The following MGAT4C variants were observed in gnomAD, a reference collection of about 807,000 sequenced individuals.
The protein encoded by MGAT4C is MGAT4 family member C, also known as alpha-1,3-mannosyl-glycoprotein 4-beta-N-acetylglucosaminyltransferase C.
Under a neutral mutation model 40.1 loss-of-function variants are expected in MGAT4C, and 19 were observed. The observed-to-expected ratio is 0.47, with a 90% CI of 0.33 to 0.70. MGAT4C has a LOEUF of 0.70. Ranked by LOEUF, MGAT4C falls within the 30% of genes least tolerant of loss-of-function variation. The pLI, the probability that MGAT4C is intolerant of heterozygous loss-of-function variation, is 0.02. For synonymous variants in MGAT4C, 181 were observed against 187.1 expected, an observed-to-expected ratio of 0.97 and a Z score of 0.27; for missense variants, 491 against 563.2, an observed-to-expected ratio of 0.87 and a Z score of 1.30.
At chr12:86,327,315 T>A (rs1954551385) in intron 4 of MGAT4C, among the ~76,000 whole-genome samples, 1 of 152,040 alleles carries the variant, frequency 6.6e-6, no homozygotes, top group South Asian at 2.1e-4. Flanking sequence ...GATTTTTTAA[T>A]TTTTTTATTT....
intron 2 of MGAT4C, among the ~76,000 whole-genome samples, chr12:86,003,410 T>C (rs1209322239): frequency 6.6e-6 from 1 of 152,176 alleles, no homozygotes; most frequent in Non-Finnish European, 1.5e-5. Flanking sequence ...AGAATAAGTG[T>C]ACAAGTAAAG....
intron 2 of MGAT4C, among the ~76,000 whole-genome samples, chr12:86,710,442 C>A (rs2136630391): frequency 6.6e-6 from 1 of 152,234 alleles, no homozygotes; most frequent in East Asian, 1.9e-4. Context: ...AGAAATCAAG[C>A]CTGAGAAGAG....
intron 1 of MGAT4C, among the ~76,000 whole-genome samples, chr12:86,221,070 G>A (rs1043254467): frequency 2.6e-5 from 4 of 152,142 alleles, no homozygotes; most frequent in African/African-American, 4.8e-5. Flanking sequence ...TTAACACCTC[G>A]TGCTAGACTT....
At chr12:86,498,984 A>G (rs748683530) in intron 2 of MGAT4C, among the ~76,000 whole-genome samples, 1 of 151,988 alleles carries the variant, frequency 6.6e-6, no homozygotes, top group Non-Finnish European at 1.5e-5. Flanking sequence ...GCAGCTGCTC[A>G]CCATTTCCAA....
chr12:86,557,372 C>T (rs756673141), intron 2 of MGAT4C, among the ~76,000 whole-genome samples: 15 of 152,156 alleles, frequency 9.9e-5, no homozygotes, highest in Non-Finnish European at 2.2e-4. Flanking sequence ...GGGGTTCAGC[C>T]AACCCTGCCA....
intron 2 of MGAT4C, among the ~76,000 whole-genome samples, chr12:86,456,841 T>C (rs1957518492): frequency 1.3e-5 from 2 of 152,138 alleles, no homozygotes; most frequent in Non-Finnish European, 2.9e-5. Context: ...TTATGAGCTC[T>C]CTATCTTACA....
chr12:86,791,317 T>A (rs1408822807), intron 1 of MGAT4C, among the ~76,000 whole-genome samples: 2 of 152,088 alleles, frequency 1.3e-5, no homozygotes, highest in Non-Finnish European at 1.5e-5. Context: ...GAGGTTCCCA[T>A]GATATATCCA....
At chr12:86,277,523 T>G (rs969707335) in intron 4 of MGAT4C, among the ~76,000 whole-genome samples, 1 of 152,196 alleles carries the variant, frequency 6.6e-6, no homozygotes, top group Admixed American at 6.5e-5. Context: ...CTTTTCATAG[T>G]TTGAGGTTTT....
At chr12:86,642,073 A>G (rs1178635541) in intron 2 of MGAT4C, among the ~76,000 whole-genome samples, 2 of 151,882 alleles carry the variant, frequency 1.3e-5, no homozygotes, top group African/African-American at 2.4e-5. Context: ...AATGACAAAT[A>G]GAAAGAGAGT....
At chr12:86,810,941 C>CT (rs1313746707) in intron 1 of MGAT4C, among the ~76,000 whole-genome samples, 1 of 150,830 alleles carries the variant, frequency 6.6e-6, no homozygotes, top group Non-Finnish European at 1.5e-5. Flanking sequence ...TTCCTTCCTG[C>CT]TTTTTGCTCT....
chr12:85,980,250 T>G lies in MGAT4C; in HGVS notation c.476A>C (p.Lys159Thr). 6.2e-7 allele frequency: 1 copy of G among 1,613,952 alleles called. No homozygotes were observed. Among genetic ancestry groups the G allele is most frequent in the Non-Finnish European group, 8.5e-7 (1 of 1,179,908 alleles). The stretch of plus-strand genomic sequence containing the variant: ...TCCTGCAATAATATGGTGCGCAAAT[T>G]TCTGTGTAATATCCTGGACCATGGC... The part of the protein sequence containing the change: ...RDAMVQDITQ[K>T]FAHHIIAGRL... The change falls in exon 5 of 5, where the codon AAA (lysine) becomes ACA (threonine). Residue 159 changes from lysine to threonine, a missense_variant. Physicochemically the swap from Lys to Thr is moderately conservative, Grantham distance 78. Transcript: ENST00000611864.
chr12:86,591,732 C>A (rs1276154645), intron 2 of MGAT4C, among the ~76,000 whole-genome samples: 3 of 151,608 alleles, frequency 2.0e-5, no homozygotes, highest in Admixed American at 6.6e-5. Flanking sequence ...TTTAAATCAT[C>A]CCAGGTTATT....
chr12:86,400,410 A>G (rs1565733874), intron 3 of MGAT4C, among the ~76,000 whole-genome samples: 1 of 152,178 alleles, frequency 6.6e-6, no homozygotes, highest in Non-Finnish European at 1.5e-5. Context: ...GCTTTGACTA[A>G]TTTTGATGTA....
chr12:86,196,636 G>C (rs914072532), intron 1 of MGAT4C, among the ~76,000 whole-genome samples: 1 of 152,196 alleles, frequency 6.6e-6, no homozygotes, highest in East Asian at 1.9e-4. Context: ...AGTCCCAGAA[G>C]TCTGACAGCC....
At chr12:86,601,386 A>T (rs1370311008) in intron 2 of MGAT4C, 1 of 151,850 alleles carries the variant, frequency 6.6e-6, no homozygotes, top group Non-Finnish European at 1.5e-5. Context: ...CACTCACTTC[A>T]TCCTACCCGT....
intron 2 of MGAT4C, among the ~76,000 whole-genome samples, chr12:86,497,670 T>C (rs914066430): frequency 6.6e-6 from 1 of 151,594 alleles, no homozygotes; most frequent in Non-Finnish European, 1.5e-5. Flanking sequence ...CCAGGATGCA[T>C]AGGACTCAGG....
At chr12:86,563,732 T>C (rs776853663) in intron 2 of MGAT4C, among the ~76,000 whole-genome samples, 7 of 152,170 alleles carry the variant, frequency 4.6e-5, no homozygotes, top group South Asian at 2.1e-4. Context: ...CTCTAAGTTA[T>C]TGACTCCAGG....
chr12:86,780,977 A>G (rs1441857062), intron 1 of MGAT4C, among the ~76,000 whole-genome samples: 2 of 151,864 alleles, frequency 1.3e-5, no homozygotes, highest in Non-Finnish European at 2.9e-5. Context: ...TGTTGCCGCA[A>G]AAGACACGAT....
chr12:86,138,752 A>T (rs1882407395), intron 1 of MGAT4C, among the ~76,000 whole-genome samples: 1 of 151,440 alleles, frequency 6.6e-6, no homozygotes, highest in African/African-American at 2.4e-5. Context: ...CACACTATGG[A>T]GGAAAATTAA....
Sources: gnomAD v4.1 joint callset for allele counts (sites outside exome capture counted in the v4.1 genomes callset) on GRCh38, gnomAD v4.1.1 for gene constraint, MANE v1.5 for transcripts, NCBI Gene and HGNC (gene_info 2026-07-23, HGNC 2026-07-21) for gene names.